Variants in RNF4 observed in about 807,000 individuals in gnomAD.
The protein encoded by RNF4 is ring finger protein 4.
Under a neutral mutation model 24.3 loss-of-function variants are expected in RNF4, and 7 were observed. The observed-to-expected ratio is 0.29, with a 90% CI of 0.16 to 0.54. The LOEUF (loss-of-function observed/expected upper bound fraction) is 0.54, where lower values mean the gene tolerates loss of function less well. Ranked by LOEUF, RNF4 falls within the 20% of genes least tolerant of loss-of-function variation. The probability of loss-of-function intolerance (pLI) is 0.95; values close to 1 mark genes in which losing one functional copy is unlikely to be tolerated. For synonymous variants in RNF4, 83 were observed against 84.3 expected (o/e 0.98, Z 0.09); for missense variants, 209 against 248.5 (o/e 0.84, Z 1.07).
At chr4:2,506,847 G>T (rs532479406) in intron 4 of RNF4, among the ~76,000 whole-genome samples, 12 of 152,162 alleles carry the variant, frequency 7.9e-5, no homozygotes, top group Non-Finnish European at 1.2e-4. Context: ...TGGGATTGTA[G>T]TTGTGAGCCA....
At chr4:2,499,410 G>C (rs1176360522) in intron 3 of RNF4, 5 of 369,944 alleles carry the variant, frequency 1.4e-5, no homozygotes, top group Non-Finnish European at 2.7e-5. Context: ...CCGAGTAGCT[G>C]GGATTACAGG....
intron 1 of RNF4, chr4:2,469,927 G>T (rs908872654): frequency 6.6e-6 from 1 of 152,350 alleles, no homozygotes; most frequent in Admixed American, 6.5e-5. Flanking sequence ...CGCGCCTATA[G>T]ACAGGTGTAT....
At chr4:2,474,070 G>A (rs892996723) in intron 1 of RNF4, among the ~76,000 whole-genome samples, 2 of 151,230 alleles carry the variant, frequency 1.3e-5, no homozygotes, top group African/African-American at 4.9e-5. Flanking sequence ...AATAGAGTGA[G>A]ACTTTGTCTC....
intron 4 of RNF4, among the ~76,000 whole-genome samples, chr4:2,506,479 G>T (rs1369822000): frequency 6.6e-6 from 1 of 151,998 alleles, no homozygotes; most frequent in Non-Finnish European, 1.5e-5. Context: ...ACCATGTCCG[G>T]CCTCCTTGGT....
chr4:2,487,947 G>C (rs923809433), intron 1 of RNF4, among the ~76,000 whole-genome samples: 1 of 152,102 alleles, frequency 6.6e-6, no homozygotes, highest in Non-Finnish European at 1.5e-5. Context: ...CTGGGACGGC[G>C]GTCCCTTTGG....
chr4:2,483,229 AG>A (rs757092421), intron 1 of RNF4, among the ~76,000 whole-genome samples: 24 of 152,270 alleles, frequency 1.6e-4, no homozygotes, highest in Non-Finnish European at 3.4e-4. Context: ...TTAGCAAATT[AG>A]TTGATAGAGC....
At chr4:2,479,620 C>G (rs1246399041) in intron 1 of RNF4, among the ~76,000 whole-genome samples, 1 of 152,128 alleles carries the variant, frequency 6.6e-6, no homozygotes, top group African/African-American at 2.4e-5. Context: ...TGCCTTCCAC[C>G]TTGATTGTGA....
Position 2,512,994 on chromosome 4 carries a change from C to A in RNF4, c.375-89C>A. 1 of 1,304,940 alleles carries A rather than the reference C, an allele frequency of 7.7e-7. No homozygotes were observed. The highest frequency in any genetic ancestry group is 1.1e-6 in the Non-Finnish European group (1 of 900,752). The allele number at this position is 1,304,940 out of a possible 1,614,324, so 80.8% of individuals were successfully genotyped here. On this transcript the variant is annotated intron_variant, in intron 6 of 7. Coordinates refer to ENST00000314289, the MANE Select transcript of RNF4 (RefSeq NM_002938.5). The surrounding 1 kb of genome is among the most constrained non-coding windows in gnomAD (Gnocchi z 4.1). ...GAGTCAGGAGGCCAGGGACGGGACT[C>A]TTGTAGGGGATAGGGGCCACTCACG...
chr4:2,484,227 G>A, intron 1 of RNF4, among the ~76,000 whole-genome samples: 1 of 151,846 alleles, frequency 6.6e-6, no homozygotes, highest in Non-Finnish European at 1.5e-5. Context: ...CTAAACAGAA[G>A]AGCTTCTCGT....
chr4:2,501,885 T>G, intron 4 of RNF4, among the ~76,000 whole-genome samples: 1 of 152,092 alleles, frequency 6.6e-6, no homozygotes. Context: ...CAGAATAGGG[T>G]TATACTGAGA....
At chr4:2,484,699 A>G (rs1326674543) in intron 1 of RNF4, among the ~76,000 whole-genome samples, 2 of 152,090 alleles carry the variant, frequency 1.3e-5, no homozygotes, top group Non-Finnish European at 2.9e-5. Flanking sequence ...AATTACTTAG[A>G]CCTTAAATAA....
chr4:2,483,671 G>A (rs1036221046), intron 1 of RNF4, among the ~76,000 whole-genome samples: 4 of 152,008 alleles, frequency 2.6e-5, no homozygotes, highest in African/African-American at 9.7e-5. Context: ...GGGCATGGTG[G>A]TGGGTTCCTG....
At chr4:2,485,101 A>T (rs1050796176) in intron 1 of RNF4, among the ~76,000 whole-genome samples, 1 of 151,770 alleles carries the variant, frequency 6.6e-6, no homozygotes, top group African/African-American at 2.4e-5. Flanking sequence ...TCCTCCTGTC[A>T]CTTGAGGCCC....
chr4:2,489,139 C>T (rs1285067807), intron 1 of RNF4, among the ~76,000 whole-genome samples: 2 of 152,158 alleles, frequency 1.3e-5, no homozygotes, highest in South Asian at 2.1e-4. Context: ...TCTCAGTTGC[C>T]TGGCTCAAGA....
intron 4 of RNF4, chr4:2,505,515 C>G (rs572581973): frequency 2.7e-5 from 4 of 150,216 alleles, no homozygotes; most frequent in Non-Finnish European, 5.9e-5. Flanking sequence ...TTAGTAGAGA[C>G]GGGGTTTCAC....
rs1354438523 is a variant in RNF4 at position 2,515,503 on chromosome 4, G to C, written c.*1684G>C. 5.3e-5 allele frequency: 8 copies of C among 152,246 alleles called. No individual in the cohort carries two copies. Among genetic ancestry groups the C allele is most frequent in the Non-Finnish European group, 1.2e-4 (8 of 68,042 alleles). The allele number at this position is 152,246 out of a possible 1,614,324, so 9.4% of individuals were successfully genotyped here. On this transcript the variant is annotated 3_prime_UTR_variant, in exon 8 of 8. Coordinates refer to ENST00000314289, the MANE Select transcript of RNF4 (RefSeq NM_002938.5). ...CTTCTGGGCATCACGGCAATGTCAC[G>C]ATGCCCAGACTTGGAGCAAGGCAAC...
Position 2,472,623 on chromosome 4 carries a change from C to T in RNF4, c.-158+3365C>T, listed in dbSNP as rs114790211. Among the ~76,000 whole-genome samples the T allele has an allele frequency of 2.6e-3, 392 of 148,262 alleles. 1 individual carries two copies. Among genetic ancestry groups the T allele is most frequent in the Non-Finnish European group, 4.6e-3 (310 of 67,316 alleles). ...TCTTAAAAAAAAAAAAAAAAAAGGG[C>T]GGCAGGGGGAAAGAAAGAAATGCAT... is the stretch of plus-strand genomic sequence containing the variant. On this transcript the variant is annotated intron_variant, in intron 1 of 7. Transcript: ENST00000314289.
intron 1 of RNF4, among the ~76,000 whole-genome samples, chr4:2,473,104 G>A (rs2108747153): frequency 6.6e-6 from 1 of 150,670 alleles, no homozygotes; most frequent in South Asian, 2.1e-4. Context: ...AACATCAGCA[G>A]TTCACGGTGG....
intron 1 of RNF4, among the ~76,000 whole-genome samples, chr4:2,472,812 G>C (rs1244704800): frequency 6.6e-6 from 1 of 150,516 alleles, no homozygotes; most frequent in Non-Finnish European, 1.5e-5. Context: ...GAGGCGAAGT[G>C]GGCGGATCAC....
Sources: allele counts gnomAD v4.1 joint callset (sites outside exome capture counted in the v4.1 genomes callset), GRCh38; gene constraint gnomAD v4.1.1; non-coding constraint Gnocchi (gnomAD v3.1); transcripts MANE v1.5; gene names NCBI Gene and HGNC (gene_info 2026-07-23, HGNC 2026-07-21).